Variants in GLI3 observed in about 807,000 individuals in gnomAD.
The protein encoded by GLI3 is transcription activator GLI3.
A neutral mutation model predicts 100.8 loss-of-function variants in GLI3; 20 were observed. The ratio of observed to expected loss-of-function variants is 0.20; its 90% CI spans 0.14 to 0.29. GLI3 has a LOEUF of 0.29. Ranked by LOEUF, GLI3 falls within the 10% of genes least tolerant of loss-of-function variation. The pLI is 1.00. For missense variants in GLI3, 2,040 were observed against 2,128.5 expected (o/e 0.96, Z 0.82); for synonymous variants, 938 against 860.5 (o/e 1.09, Z -1.58).
intron 2 of GLI3, 23 bp downstream of exon 2, chr7:42,223,107 C>T: frequency 6.2e-7 from 1 of 1,613,304 alleles, no homozygotes. Context: ...GGCTGGGCTG[C>T]TGGTAATCCC....
chr7:41,966,737 C>G lies in GLI3; in HGVS notation c.2432-96G>C. On this transcript the variant is annotated intron_variant, in intron 14 of 14. Coordinates refer to ENST00000395925, the MANE Select transcript of GLI3 (RefSeq NM_000168.6). This position sits in a 1 kb window ranked among gnomAD's most constrained non-coding sequence, Gnocchi z 5.8. ...GCAACCCTTTTCTGTAAAGGGCCAG[C>G]TAGGAACTATTTCTGGTGTCCCAGG... 1.6e-6 allele frequency: 2 copies of G among 1,257,628 alleles called. No individual in the cohort carries two copies. The highest frequency in any genetic ancestry group is 2.3e-6 in the Non-Finnish European group (2 of 869,296). The allele number at this position is 1,257,628 out of a possible 1,614,324, so 77.9% of individuals were successfully genotyped here. A position where few individuals can be genotyped will look rare whatever the true frequency, so the allele number is the denominator to read the frequency against.
intron 4 of GLI3, among the ~76,000 whole-genome samples, chr7:42,072,002 A>G (rs187813598): frequency 4.7e-4 from 72 of 152,360 alleles, no homozygotes; most frequent in African/African-American, 1.6e-3. Flanking sequence ...GGGCTGACGT[A>G]CAGAACAGAA....
chr7:42,116,821 A>C (rs1280293073), intron 3 of GLI3, among the ~76,000 whole-genome samples: 1 of 151,104 alleles, frequency 6.6e-6, no homozygotes, highest in Admixed American at 6.6e-5. Flanking sequence ...TAATTTAATA[A>C]GAGGTCTCAT....
chr7:42,017,957 C>T (rs904001754), intron 10 of GLI3, among the ~76,000 whole-genome samples: 4 of 152,228 alleles, frequency 2.6e-5, no homozygotes, highest in Non-Finnish European at 5.9e-5. Context: ...GGCTGTTTCA[C>T]AGTATGATAA....
At position 42,040,209 on chromosome 7, in the gene GLI3, G is replaced by A. The variant is rs1476686800; in HGVS notation, c.857C>T (p.Ala286Val). Residue 286 changes from alanine to valine, a missense_variant, in exon 7 of 15, where the codon GCC (alanine) becomes GTC (valine). By Grantham distance (64) the Ala-to-Val change is moderately conservative. This residue lies in a region of GLI3 where 603 missense variants were observed against 690.9 expected (regional missense o/e 0.87). Transcript: ENST00000395925. Reference protein sequence around the residue: ...STRFSSPRLSARPSRKRTLSI... With the variant: ...STRFSSPRLSVRPSRKRTLSI... ...CAGTGTACGTTTTCGGCTCGGCCTG[G>A]CTGACAGCCTGGGGCTGGAGAATCT... is the stretch of plus-strand genomic sequence containing the variant. The A allele has an allele frequency of 6.2e-7, 1 of 1,613,706 alleles. No individual in the cohort carries two copies. Among genetic ancestry groups the A allele is most frequent in the East Asian group, 2.2e-5 (1 of 44,878 alleles).
At chr7:42,132,160 GTT>G (rs1786294642) in intron 3 of GLI3, among the ~76,000 whole-genome samples, 1 of 151,928 alleles carries the variant, frequency 6.6e-6, no homozygotes, top group African/African-American at 2.4e-5. Context: ...GAGTGCAGTG[GTT>G]CAATCTCGGC....
intron 4 of GLI3, among the ~76,000 whole-genome samples, chr7:42,057,381 A>G (rs1044706150): frequency 6.6e-6 from 1 of 152,202 alleles, no homozygotes; most frequent in African/African-American, 2.4e-5. Context: ...GGAACTCTCA[A>G]TATGAGCGCA....
rs944815080 is a variant in GLI3, at chr7:41,961,376, T to A, written c.*2954A>T. 6.6e-6 allele frequency: 1 copy of A among 152,604 alleles called. No homozygotes were observed. The highest frequency in any genetic ancestry group is 2.4e-5 in the African/African-American group (1 of 41,446). 9.5% of individuals were successfully genotyped at this position (152,604 alleles called of 1,614,324 possible). On this transcript the variant is annotated 3_prime_UTR_variant, in exon 15 of 15. Transcript: ENST00000395925. The stretch of plus-strand genomic sequence containing the variant: ...TCGACTCTGCTACCACCGTGCGCTC[T>A]CTGGCTGGTGCACACACAGCCTTGG...
At chr7:41,997,213 C>G (rs1462223030) in intron 10 of GLI3, among the ~76,000 whole-genome samples, 1 of 152,102 alleles carries the variant, frequency 6.6e-6, no homozygotes, top group African/African-American at 2.4e-5. Flanking sequence ...GAAGGAAAGG[C>G]ATCCCTGAGT....
chr7:42,039,193 T>G (rs999633533), intron 7 of GLI3, among the ~76,000 whole-genome samples: 2 of 152,202 alleles, frequency 1.3e-5, no homozygotes, highest in Non-Finnish European at 2.9e-5. Flanking sequence ...TGAGCTGGCT[T>G]AGTTCAAACA....
intron 1 of GLI3, among the ~76,000 whole-genome samples, chr7:42,257,229 G>T (rs1289578943): frequency 6.6e-6 from 1 of 151,740 alleles, no homozygotes; most frequent in African/African-American, 2.4e-5. Flanking sequence ...CTCCAATCTA[G>T]ATACCACTAA....
At chr7:42,037,034 G>A (rs1218585119) in intron 7 of GLI3, among the ~76,000 whole-genome samples, 1 of 152,084 alleles carries the variant, frequency 6.6e-6, no homozygotes, top group Non-Finnish European at 1.5e-5. Flanking sequence ...CCCAGCTATC[G>A]GGAGGCTGAG....
At chr7:42,223,889 C>T (rs1788536755) in intron 1 of GLI3, among the ~76,000 whole-genome samples, 1 of 152,182 alleles carries the variant, frequency 6.6e-6, no homozygotes, top group Non-Finnish European at 1.5e-5. Context: ...GTAAGCTATA[C>T]TCTTTAACCT....
intron 1 of GLI3, 59 bp from the exon 2 acceptor site, chr7:42,223,354 T>C: frequency 1.0e-6 from 1 of 968,816 alleles, no homozygotes; most frequent in Non-Finnish European, 1.6e-6. Flanking sequence ...AAAAAAACTT[T>C]CAAAAGTCCA....
chr7:42,058,797 A>G (rs1439766810), intron 4 of GLI3, among the ~76,000 whole-genome samples: 6 of 152,250 alleles, frequency 3.9e-5, no homozygotes, highest in Admixed American at 1.3e-4. Context: ...GTTTATAGCT[A>G]AAATTGATTT....
intron 2 of GLI3, among the ~76,000 whole-genome samples, chr7:42,210,014 A>AAAAG (rs869036224): frequency 1.4e-5 from 2 of 142,466 alleles, no homozygotes; most frequent in East Asian, 2.0e-4. Context: ...AAAAAAAAAA[A>AAAAG]GGGCATAGGC....
intron 3 of GLI3, among the ~76,000 whole-genome samples, chr7:42,119,783 G>A (rs1404377437): frequency 6.6e-6 from 1 of 152,146 alleles, no homozygotes; most frequent in Admixed American, 6.5e-5. Context: ...TGACACAGGG[G>A]CCTGACTTTG....
intron 2 of GLI3, among the ~76,000 whole-genome samples, chr7:42,214,117 C>T (rs1010493116): frequency 1.3e-5 from 2 of 152,316 alleles, no homozygotes; most frequent in Middle Eastern, 3.4e-3. Flanking sequence ...AATGCAGCAC[C>T]CAAGTAGTGA....
Position 42,114,596 on chromosome 7 carries a change from C to T in GLI3, c.367+33630G>A, listed in dbSNP as rs575115753. 7.9e-5 allele frequency among the ~76,000 whole-genome samples: 12 copies of T among 152,308 alleles called. No homozygotes were observed. The South Asian group carries it at 2.5e-3, about 32-fold the overall frequency. On this transcript the variant is annotated intron_variant, in intron 3 of 14. Transcript: ENST00000395925. ...ACTGTGCTGTGAAGTTCCAAGAACC[C>T]TAAGGTCAACTGGCTCCTTGCCAGT...
Sources: allele counts gnomAD v4.1 joint callset (sites outside exome capture counted in the v4.1 genomes callset), GRCh38; gene constraint gnomAD v4.1.1; regional missense constraint gnomAD v4.1.1; non-coding constraint Gnocchi (gnomAD v3.1); transcripts MANE v1.5; gene names NCBI Gene and HGNC (gene_info 2026-07-23, HGNC 2026-07-21).